SYT1: variants seen among roughly 807,000 people sequenced by gnomAD.
SYT1 encodes the protein synaptotagmin 1.
SYT1 carries 8 observed loss-of-function variants against 44.8 expected under a neutral mutation model. The ratio of observed to expected loss-of-function variants is 0.18; its 90% CI spans 0.10 to 0.32. The LOEUF is 0.32. Among genes scored for constraint, SYT1 ranks in the 10% least tolerant of loss-of-function variants. The pLI, the probability that SYT1 is intolerant of heterozygous loss-of-function variation, is 1.00. For synonymous variants in SYT1, 154 were observed against 188.8 expected, an observed-to-expected ratio of 0.82 and a Z score of 1.51; for missense variants, 286 against 509.3, an observed-to-expected ratio of 0.56 and a Z score of 4.22.
intron 3 of SYT1, among the ~76,000 whole-genome samples, chr12:79,166,079 C>T (rs1871207747): frequency 6.6e-6 from 1 of 151,940 alleles, no homozygotes. Flanking sequence ...ACTTGGAATT[C>T]TGAGATTTGA....
chr12:79,117,690 T>A lies in SYT1; in HGVS notation c.-18+70328T>A, dbSNP rs1366749811. On this transcript the variant is annotated intron_variant, in intron 3 of 10. Coordinates refer to ENST00000261205, the MANE Select transcript of SYT1 (RefSeq NM_005639.3). ...ATATATATATATATATATATATATA[T>A]ATATATATATATATATATATATATA... is the stretch of plus-strand genomic sequence containing the variant. Among the ~76,000 whole-genome samples the A allele has an allele frequency of 2.8e-3, 229 of 82,382 alleles. 6 individuals carry two copies. Among genetic ancestry groups the A allele is most frequent in the African/African-American group, 0.01 (219 of 20,928 alleles). The allele number at this position is 82,382 out of a possible 152,430, so 54.0% of individuals were successfully genotyped here.
chr12:79,431,475 G>T (rs1869769225), intron 9 of SYT1, among the ~76,000 whole-genome samples: 1 of 150,592 alleles, frequency 6.6e-6, no homozygotes, highest in East Asian at 1.9e-4. Flanking sequence ...CCTATATATG[G>T]TATAATATTA....
intron 4 of SYT1, among the ~76,000 whole-genome samples, chr12:79,249,039 T>C (rs1877020035): frequency 6.7e-6 from 1 of 150,246 alleles, no homozygotes; most frequent in Admixed American, 6.6e-5. Context: ...CTTAGAGTTG[T>C]TGAAGGGCAA....
intron 2 of SYT1, among the ~76,000 whole-genome samples, chr12:79,032,268 T>C (rs1343788970): frequency 6.6e-6 from 1 of 151,028 alleles, no homozygotes; most frequent in East Asian, 1.9e-4. Flanking sequence ...ATTAGTTAGA[T>C]AGCATTTCTT....
chr12:79,389,802 T>C (rs1194575290), intron 9 of SYT1, among the ~76,000 whole-genome samples: 3 of 152,206 alleles, frequency 2.0e-5, no homozygotes, highest in Non-Finnish European at 4.4e-5. Context: ...TCCAAGATTA[T>C]TTAGCTCAAT....
intron 8 of SYT1, among the ~76,000 whole-genome samples, chr12:79,308,776 A>C (rs747720092): frequency 6.6e-5 from 10 of 152,204 alleles, no homozygotes; most frequent in Admixed American, 5.9e-4. Flanking sequence ...TATGGTCCCT[A>C]TACTGCACAC....
chr12:79,194,718 A>T (rs1051728427), intron 3 of SYT1, among the ~76,000 whole-genome samples: 1 of 152,068 alleles, frequency 6.6e-6, no homozygotes, highest in Non-Finnish European at 1.5e-5. Flanking sequence ...CATGAAGGGT[A>T]TGTGTGTGTG....
At chr12:79,004,431 T>A (rs771291038) in intron 2 of SYT1, among the ~76,000 whole-genome samples, 1 of 151,992 alleles carries the variant, frequency 6.6e-6, no homozygotes, top group Non-Finnish European at 1.5e-5. Flanking sequence ...TTGCCATTTT[T>A]ATTATACTAT....
intron 4 of SYT1, among the ~76,000 whole-genome samples, chr12:79,278,940 C>G (rs1287234782): frequency 6.6e-6 from 1 of 151,446 alleles, no homozygotes; most frequent in Non-Finnish European, 1.5e-5. Flanking sequence ...ATATAGCCCC[C>G]CCAAGCCTGA....
chr12:79,449,209 AT>A lies in SYT1; in HGVS notation c.*90del, dbSNP rs2136212485. ...ATACCTCAGTAATATGGGTCCTTTC[AT>A]TTTTCCAGCCATGCATTCCTAACAC... is the stretch of plus-strand genomic sequence containing the variant. On this transcript the variant is annotated 3_prime_UTR_variant, in exon 11 of 11. Coordinates refer to ENST00000261205, the MANE Select transcript of SYT1 (RefSeq NM_005639.3). 11 of 1,366,596 alleles carry A rather than the reference AT, an allele frequency of 8.0e-6. No homozygotes were observed. The highest frequency in any genetic ancestry group is 1.5e-5 in the African/African-American group (1 of 68,586). 84.7% of individuals were successfully genotyped at this position (1,366,596 alleles called of 1,614,324 possible).
chr12:79,026,699 A>ATATATATATC (rs1164483809), intron 2 of SYT1, among the ~76,000 whole-genome samples: 6 of 130,666 alleles, frequency 4.6e-5, no homozygotes, highest in African/African-American at 1.4e-4. Context: ...ATATATATAT[A>ATATATATATC]TATCACACTT....
intron 5 of SYT1, 176 bp from the exon 6 acceptor site, chr12:79,291,832 C>A: frequency 1.2e-6 from 1 of 831,292 alleles, no homozygotes; most frequent in Admixed American, 2.0e-5. Flanking sequence ...AAATTCCGTG[C>A]ACAAAAGGAA....
At chr12:79,195,775 G>T (rs111589022) in intron 3 of SYT1, among the ~76,000 whole-genome samples, 43 of 152,156 alleles carry the variant, frequency 2.8e-4, no homozygotes, top group African/African-American at 1.0e-3. Context: ...GTCTAACTTG[G>T]GATAAACTAA....
chr12:79,137,422 T>C (rs1401746131), intron 3 of SYT1, among the ~76,000 whole-genome samples: 1 of 152,118 alleles, frequency 6.6e-6, no homozygotes, highest in Non-Finnish European at 1.5e-5. Context: ...TGGAACTTTA[T>C]ATCTATTATC....
intron 9 of SYT1, among the ~76,000 whole-genome samples, chr12:79,442,585 G>T (rs1004400896): frequency 6.6e-6 from 1 of 152,140 alleles, no homozygotes; most frequent in Non-Finnish European, 1.5e-5. Context: ...CAAGACCCAG[G>T]CTGAGGCCCT....
At chr12:78,900,833 G>T (rs895854117) in intron 1 of SYT1, among the ~76,000 whole-genome samples, 25 of 152,068 alleles carry the variant, frequency 1.6e-4, no homozygotes, top group African/African-American at 6.0e-4. Flanking sequence ...TTGGATTCCT[G>T]TTGGTGAACA....
intron 1 of SYT1, among the ~76,000 whole-genome samples, chr12:78,903,081 T>G (rs1041912116): frequency 9.2e-5 from 14 of 152,208 alleles, no homozygotes; most frequent in African/African-American, 3.4e-4. Flanking sequence ...TTGTCAAAAT[T>G]CATTTATCTT....
At chr12:79,209,937 T>C (rs1874340552) in intron 3 of SYT1, among the ~76,000 whole-genome samples, 4 of 152,176 alleles carry the variant, frequency 2.6e-5, no homozygotes, top group Admixed American at 2.6e-4. Flanking sequence ...TTAGAAGACT[T>C]TTTTTAGTAA....
intron 1 of SYT1, among the ~76,000 whole-genome samples, chr12:78,896,819 G>GA (rs1434629238): frequency 6.6e-6 from 1 of 151,666 alleles, no homozygotes; most frequent in Non-Finnish European, 1.5e-5. Flanking sequence ...TACAAAAAGA[G>GA]AAAAAGGAAG....
Sources: gnomAD v4.1 joint callset for allele counts (sites outside exome capture counted in the v4.1 genomes callset) on GRCh38, gnomAD v4.1.1 for gene constraint, MANE v1.5 for transcripts, NCBI Gene and HGNC (gene_info 2026-07-23, HGNC 2026-07-21) for gene names.